The following FBXL7 variants were observed in gnomAD, a reference collection of about 807,000 sequenced individuals.
The protein encoded by FBXL7 is F-box and leucine rich repeat protein 7.
Under a neutral mutation model 38.3 loss-of-function variants are expected in FBXL7, and 12 were observed. The observed-to-expected ratio is 0.31, with a 90% confidence interval of 0.20 to 0.51. The LOEUF (loss-of-function observed/expected upper bound fraction) is 0.51. Among genes scored for constraint, FBXL7 ranks in the 20% least tolerant of loss-of-function variants. The probability of loss-of-function intolerance (pLI) is 0.98; values close to 1 mark genes in which losing one functional copy is unlikely to be tolerated. For synonymous variants in FBXL7, 297 were observed against 300.9 expected (o/e 0.99, Z 0.13); for missense variants, 567 against 676.4 (o/e 0.84, Z 1.79).
At chr5:15,782,924 G>A (rs1350018719) in intron 2 of FBXL7, among the ~76,000 whole-genome samples, 2 of 152,118 alleles carry the variant, frequency 1.3e-5, no homozygotes, top group Non-Finnish European at 2.9e-5. Flanking sequence ...TTAGTAGAAT[G>A]GCCAGGCCAT....
At chr5:15,862,102 C>G (rs918321802) in intron 2 of FBXL7, among the ~76,000 whole-genome samples, 6 of 152,058 alleles carry the variant, frequency 3.9e-5, no homozygotes, top group Non-Finnish European at 7.4e-5. Context: ...TGACTGTGTC[C>G]CCACCCAAAT....
chr5:15,654,219 A>ATAGT (rs1464070482), intron 2 of FBXL7, among the ~76,000 whole-genome samples: 1 of 152,168 alleles, frequency 6.6e-6, no homozygotes, highest in Non-Finnish European at 1.5e-5. Flanking sequence ...ATACTCCTGA[A>ATAGT]TAGTTCTTCA....
At chr5:15,808,163 T>G (rs1737765421) in intron 2 of FBXL7, among the ~76,000 whole-genome samples, 1 of 151,852 alleles carries the variant, frequency 6.6e-6, no homozygotes, top group Non-Finnish European at 1.5e-5. Context: ...TAAGCTGAAA[T>G]ATGTATGTGG....
intron 2 of FBXL7, among the ~76,000 whole-genome samples, chr5:15,851,652 C>G (rs1477906438): frequency 6.6e-6 from 1 of 152,046 alleles, no homozygotes; most frequent in African/African-American, 2.4e-5. Context: ...TTTTCCATGT[C>G]TCTTTGCATT....
intron 2 of FBXL7, among the ~76,000 whole-genome samples, chr5:15,730,246 T>C (rs941883647): frequency 1.3e-5 from 2 of 152,166 alleles, no homozygotes; most frequent in African/African-American, 4.8e-5. Flanking sequence ...GTTTCGTGTA[T>C]TTTTCTCTTG....
chr5:15,939,374 G>T lies in FBXL7; in HGVS notation c.*2188G>T. 4.1e-6 allele frequency: 1 copy of T among 244,384 alleles called. No homozygotes were observed. The allele number at this position is 244,384 out of a possible 1,614,324, so 15.1% of individuals were successfully genotyped here. The stretch of plus-strand genomic sequence containing the variant: ...GGCCCTGGGGTCTTCCGAGTGAGCT[G>T]GTTTAATACTCTGAGAATGAGCAGG... On this transcript the variant is annotated 3_prime_UTR_variant, in exon 4 of 4. Coordinates refer to ENST00000504595, the MANE Select transcript of FBXL7 (RefSeq NM_012304.5).
chr5:15,700,349 T>G (rs1743482392), intron 2 of FBXL7, among the ~76,000 whole-genome samples: 1 of 152,226 alleles, frequency 6.6e-6, no homozygotes, highest in Admixed American at 6.5e-5. Flanking sequence ...CGTTCCTTGC[T>G]GCAGACACAC....
rs148473239 is a variant in FBXL7, at chr5:15,936,460, A to G, written c.750A>G (p.Lys250=). ...TGTCTCTTTGTGCAGGATGCTCCAAAGTGACCTGCATCAGCTTGACCCGGG... is the reference window on the plus strand; with the variant it reads ...TGTCTCTTTGTGCAGGATGCTCCAAGGTGACCTGCATCAGCTTGACCCGGG... ...LEHLDVSGCS[K]VTCISLTREA... Residue 250 remains lysine (K), a synonymous_variant, in exon 4 of 4, where the codon AAA becomes AAG. Transcript: ENST00000504595. The surrounding 1 kb of genome is among the most constrained non-coding windows in gnomAD (Gnocchi z 6.0). 789 of 1,612,698 alleles carry G rather than the reference A, an allele frequency of 4.9e-4. 3 individuals carry two copies. The African/African-American group carries it at 9.6e-3, about 20-fold the overall frequency.
chr5:15,913,675 A>G (rs1236134998), intron 2 of FBXL7, among the ~76,000 whole-genome samples: 4 of 152,226 alleles, frequency 2.6e-5, no homozygotes, highest in Non-Finnish European at 5.9e-5. Flanking sequence ...GAATTATCTG[A>G]CAATTGAATA....
At chr5:15,512,180 G>A (rs1248649241) in intron 1 of FBXL7, among the ~76,000 whole-genome samples, 8 of 152,176 alleles carry the variant, frequency 5.3e-5, no homozygotes, top group Admixed American at 4.6e-4. Context: ...CTTTGGAAGT[G>A]TTTAGGTCCT....
At chr5:15,617,880 C>T (rs1221059119) in intron 2 of FBXL7, among the ~76,000 whole-genome samples, 1 of 152,172 alleles carries the variant, frequency 6.6e-6, no homozygotes, top group Non-Finnish European at 1.5e-5. Flanking sequence ...TCACTCTTGT[C>T]ACCATAACTT....
intron 2 of FBXL7, among the ~76,000 whole-genome samples, chr5:15,914,169 G>A (rs1238457669): frequency 6.6e-6 from 1 of 152,028 alleles, no homozygotes; most frequent in African/African-American, 2.4e-5. Flanking sequence ...GGCGGATCTC[G>A]AGGTCAGGTG....
chr5:15,726,310 C>T (rs946788089), intron 2 of FBXL7, among the ~76,000 whole-genome samples: 5 of 152,068 alleles, frequency 3.3e-5, no homozygotes, highest in African/African-American at 4.8e-5. Flanking sequence ...CCCAGCTACT[C>T]AAGAGGCTGA....
At chr5:15,526,986 A>G (rs1416913641) in intron 1 of FBXL7, among the ~76,000 whole-genome samples, 1 of 152,166 alleles carries the variant, frequency 6.6e-6, no homozygotes. Flanking sequence ...CATTCTTTCA[A>G]GGTTGGGTGG....
intron 1 of FBXL7, among the ~76,000 whole-genome samples, chr5:15,524,960 C>T (rs1478979444): frequency 6.6e-6 from 1 of 152,218 alleles, no homozygotes; most frequent in Non-Finnish European, 1.5e-5. Context: ...ATCCGCCCTA[C>T]TAGGTTCAAA....
At position 15,928,314 on chromosome 5, in the gene FBXL7, G is replaced by A. The variant is rs769069167; in HGVS notation, c.552G>A (p.Val184=). Reference sequence around the variant, plus strand: ...GACTCTGCCAGGACACCCCCAACGTGTGTCTCATGCTGGAAACCGTAACTG... The same window carrying A: ...GACTCTGCCAGGACACCCCCAACGTATGTCTCATGCTGGAAACCGTAACTG... ...TRRLCQDTPN[V]CLMLETVTVS... Residue 184 remains valine (V), a synonymous_variant, in exon 3 of 4, where the codon GTG becomes GTA. Transcript: ENST00000504595. The surrounding 1 kb of genome is among the most constrained non-coding windows in gnomAD (Gnocchi z 4.0). The A allele has an allele frequency of 1.2e-6, 2 of 1,613,836 alleles. No individual in the cohort carries two copies. Among genetic ancestry groups the A allele is most frequent in the East Asian group, 2.2e-5 (1 of 44,888 alleles).
At chr5:15,868,329 T>C (rs1207565049) in intron 2 of FBXL7, among the ~76,000 whole-genome samples, 1 of 152,226 alleles carries the variant, frequency 6.6e-6, no homozygotes, top group Non-Finnish European at 1.5e-5. Flanking sequence ...CCTGATGCCT[T>C]GATCTTAGCC....
intron 1 of FBXL7, among the ~76,000 whole-genome samples, chr5:15,586,289 T>TTC (rs896059274): frequency 4.9e-4 from 50 of 101,954 alleles, no homozygotes; most frequent in African/African-American, 1.9e-3. Flanking sequence ...CTTGTCTTCT[T>TTC]TCTCTCTCTC....
intron 1 of FBXL7, among the ~76,000 whole-genome samples, chr5:15,519,933 G>C (rs1029562560): frequency 6.6e-6 from 1 of 152,172 alleles, no homozygotes; most frequent in East Asian, 1.9e-4. Flanking sequence ...GAAAGTAGAT[G>C]AGTAAAAGAG....
Sources: allele counts gnomAD v4.1 joint callset (sites outside exome capture counted in the v4.1 genomes callset), GRCh38; gene constraint gnomAD v4.1.1; non-coding constraint Gnocchi (gnomAD v3.1); transcripts MANE v1.5; gene names NCBI Gene and HGNC (gene_info 2026-07-23, HGNC 2026-07-21).